Variants in FAF1 observed in about 807,000 individuals in gnomAD.
The protein encoded by FAF1 is FAS-associated factor 1.
In FAF1, 25 loss-of-function variants were observed where a neutral mutation model predicts 92.5. The ratio of observed to expected loss-of-function variants is 0.27; its 90% CI spans 0.20 to 0.38. FAF1 has a LOEUF of 0.38. Among genes scored for constraint, FAF1 ranks in the 10% least tolerant of loss-of-function variants. The probability of loss-of-function intolerance (pLI) is 1.00; values close to 1 mark genes in which losing one functional copy is unlikely to be tolerated. For synonymous variants in FAF1, 234 were observed against 273.2 expected, an observed-to-expected ratio of 0.86 and a Z score of 1.42; for missense variants, 636 against 793.3, an observed-to-expected ratio of 0.80 and a Z score of 2.38.
chr1:50,701,994 A>G (rs1657494431), intron 7 of FAF1, among the ~76,000 whole-genome samples: 1 of 152,062 alleles, frequency 6.6e-6, no homozygotes, highest in Non-Finnish European at 1.5e-5. Context: ...AATACTCCAT[A>G]ATTCTGCACT....
At chr1:50,541,281 T>C (rs1371036148) in intron 13 of FAF1, among the ~76,000 whole-genome samples, 2 of 152,178 alleles carry the variant, frequency 1.3e-5, no homozygotes, top group African/African-American at 2.4e-5. Flanking sequence ...AATAAGTTCA[T>C]TGGAAGGCAG....
chr1:50,868,320 T>G (rs1343147172), intron 1 of FAF1, among the ~76,000 whole-genome samples: 1 of 152,124 alleles, frequency 6.6e-6, no homozygotes, highest in African/African-American at 2.4e-5. Context: ...CCCCAAAAAC[T>G]ATTGAAATTT....
intron 6 of FAF1, among the ~76,000 whole-genome samples, chr1:50,732,030 T>A (rs1288695841): frequency 6.6e-6 from 1 of 152,090 alleles, no homozygotes; most frequent in Non-Finnish European, 1.5e-5. Context: ...TAAAATCTTC[T>A]ATAGCTGACA....
chr1:50,921,917 AGCACTTTGGGAGGCCAAG>A (rs1644966317), intron 1 of FAF1, among the ~76,000 whole-genome samples: 1 of 151,716 alleles, frequency 6.6e-6, no homozygotes, highest in Admixed American at 6.6e-5. Context: ...CTGTAATCCC[AGCACTTTGGGAGGCCAAG>A]GCAGGTGGAT....
chr1:50,555,262 C>G (rs150978570), intron 13 of FAF1, among the ~76,000 whole-genome samples: 23 of 149,794 alleles, frequency 1.5e-4, no homozygotes, highest in South Asian at 6.3e-4. Context: ...CACACACACA[C>G]ACCCCAGGAC....
At chr1:50,819,621 C>T (rs1426088811) in intron 2 of FAF1, among the ~76,000 whole-genome samples, 1 of 128,402 alleles carries the variant, frequency 7.8e-6, no homozygotes, top group East Asian at 2.0e-4. Context: ...GCAAGACTGA[C>T]CGACTGACTG....
intron 15 of FAF1, among the ~76,000 whole-genome samples, chr1:50,533,161 T>C (rs926850333): frequency 2.6e-5 from 4 of 152,118 alleles, no homozygotes; most frequent in Non-Finnish European, 5.9e-5. Context: ...TGGAATACAA[T>C]GGCATGAACA....
chr1:50,614,442 TA>T lies in FAF1; in HGVS notation c.745-18227del, dbSNP rs1389017762. 3.9e-5 allele frequency among the ~76,000 whole-genome samples: 6 copies of T among 152,080 alleles called. No homozygotes were observed. In the South Asian group the frequency reaches 8.3e-4, roughly 21 times the overall value. On this transcript the variant is annotated intron_variant, in intron 8 of 18. Transcript: ENST00000396153. Reference sequence around the variant, plus strand: ...AAAAAAAAGAATGTTTATGTGAGTGTAAAAAAACAAAAACTGCAAAATATTT... The same window carrying T: ...AAAAAAAAGAATGTTTATGTGAGTGTAAAAAACAAAAACTGCAAAATATTT...
At chr1:50,881,136 A>G (rs1644608639) in intron 1 of FAF1, among the ~76,000 whole-genome samples, 1 of 152,196 alleles carries the variant, frequency 6.6e-6, no homozygotes, top group South Asian at 2.1e-4. Flanking sequence ...TGTTCTAGAC[A>G]AATACAAGAA....
chr1:50,678,520 C>T (rs1452472451), intron 7 of FAF1, among the ~76,000 whole-genome samples: 1 of 152,058 alleles, frequency 6.6e-6, no homozygotes, highest in African/African-American at 2.4e-5. Flanking sequence ...TGTGGTGGCT[C>T]ACATATAATC....
intron 8 of FAF1, among the ~76,000 whole-genome samples, chr1:50,629,442 T>G (rs1274601809): frequency 1.3e-5 from 2 of 152,138 alleles, no homozygotes; most frequent in African/African-American, 4.8e-5. Flanking sequence ...GTGCTGAGAT[T>G]ACAGGTGTGA....
chr1:50,615,738 T>C (rs996747899), intron 8 of FAF1, among the ~76,000 whole-genome samples: 2 of 152,214 alleles, frequency 1.3e-5, no homozygotes, highest in African/African-American at 4.8e-5. Context: ...TTCAGTTCCT[T>C]ACAGATTTTT....
chr1:50,517,194 A>G (rs1489370579), intron 15 of FAF1, among the ~76,000 whole-genome samples: 1 of 152,178 alleles, frequency 6.6e-6, no homozygotes, highest in Non-Finnish European at 1.5e-5. Context: ...ATTCAAAATC[A>G]TTTGCAAATC....
At chr1:50,939,231 T>C (rs556884576) in intron 1 of FAF1, among the ~76,000 whole-genome samples, 2 of 152,338 alleles carry the variant, frequency 1.3e-5, no homozygotes, top group Non-Finnish European at 1.5e-5. Context: ...TGTTTCAACT[T>C]TGATTTCTTT....
intron 1 of FAF1, among the ~76,000 whole-genome samples, chr1:50,929,818 T>C (rs1257930048): frequency 6.6e-6 from 1 of 152,236 alleles, no homozygotes; most frequent in African/African-American, 2.4e-5. Context: ...ACACAAACCA[T>C]ACTTAGCTTT....
At chr1:50,608,581 T>C (rs187635547) in intron 8 of FAF1, among the ~76,000 whole-genome samples, 179 of 152,302 alleles carry the variant, frequency 1.2e-3, no homozygotes, top group Middle Eastern at 6.8e-3. Flanking sequence ...TGAGGGGACC[T>C]GCTGTCCTAG....
At chr1:50,476,644 T>C (rs1267754709) in intron 17 of FAF1, among the ~76,000 whole-genome samples, 1 of 152,198 alleles carries the variant, frequency 6.6e-6, no homozygotes, top group East Asian at 1.9e-4. Context: ...TTAGAATCCA[T>C]GAAATTCATC....
At chr1:50,443,213 T>C (rs975321654) in intron 18 of FAF1, among the ~76,000 whole-genome samples, 1 of 152,170 alleles carries the variant, frequency 6.6e-6, no homozygotes, top group Non-Finnish European at 1.5e-5. Context: ...AAACGATCAT[T>C]GTAATCGTGT....
At chr1:50,532,257 C>T (rs1648216115) in intron 15 of FAF1, among the ~76,000 whole-genome samples, 1 of 152,066 alleles carries the variant, frequency 6.6e-6, no homozygotes, top group Non-Finnish European at 1.5e-5. Context: ...TTCCTGTAAC[C>T]CTCATATTCA....
Sources: allele counts gnomAD v4.1 joint callset (sites outside exome capture counted in the v4.1 genomes callset), GRCh38; gene constraint gnomAD v4.1.1; transcripts MANE v1.5; gene names NCBI Gene and HGNC (gene_info 2026-07-23, HGNC 2026-07-21).